DDX10: variants seen among roughly 807,000 people sequenced by gnomAD.
DDX10 encodes probable ATP-dependent RNA helicase DDX10.
In DDX10, 74 loss-of-function variants were observed where a neutral mutation model predicts 104.3. The observed-to-expected ratio is 0.71, with a 90% CI of 0.59 to 0.86. DDX10 has a LOEUF of 0.86. DDX10 is among the 40% of genes least tolerant of loss of function. DDX10 has a pLI of 0.00. For missense variants in DDX10, 952 were observed against 1,040.0 expected (o/e 0.92, Z 1.16); for synonymous variants, 351 against 353.4 (o/e 0.99, Z 0.08).
chr11:108,812,411 T>C (rs1410362801), intron 13 of DDX10, among the ~76,000 whole-genome samples: 2 of 152,200 alleles, frequency 1.3e-5, no homozygotes, highest in African/African-American at 2.4e-5. Context: ...TTTAATGGTA[T>C]TATATCTCTC....
intron 16 of DDX10, among the ~76,000 whole-genome samples, chr11:108,873,229 G>C (rs191582686): frequency 2.0e-5 from 3 of 152,190 alleles, no homozygotes; most frequent in East Asian, 1.9e-4. Flanking sequence ...TGTTTTTCCA[G>C]GTGGGTAGAC....
chr11:108,690,713 G>GC, intron 7 of DDX10: 1 of 189,102 alleles, frequency 5.3e-6, no homozygotes, highest in Admixed American at 5.8e-5. Context: ...CTTGAGAGAT[G>GC]CCCCCAGGAA....
intron 7 of DDX10, among the ~76,000 whole-genome samples, chr11:108,691,375 T>C (rs965513996): frequency 2.0e-5 from 3 of 152,214 alleles, no homozygotes; most frequent in African/African-American, 7.2e-5. Context: ...ATAGTATCCA[T>C]TTATGGGTAC....
At chr11:108,921,325 C>T (rs1351671950) in intron 17 of DDX10, 1 of 152,190 alleles carries the variant, frequency 6.6e-6, no homozygotes, top group African/African-American at 2.4e-5. Flanking sequence ...ATTGCTGTTG[C>T]TGCTAGCATT....
chr11:108,691,153 A>G (rs1385083051), intron 7 of DDX10, among the ~76,000 whole-genome samples: 6 of 152,334 alleles, frequency 3.9e-5, no homozygotes, highest in Non-Finnish European at 5.9e-5. Flanking sequence ...ACTGTCAGCA[A>G]AATTGAAGAG....
chr11:108,845,391 A>T (rs1862701763), intron 15 of DDX10, among the ~76,000 whole-genome samples: 1 of 152,160 alleles, frequency 6.6e-6, no homozygotes, highest in African/African-American at 2.4e-5. Context: ...TTCCTAACTG[A>T]GTATACTACT....
intron 6 of DDX10, among the ~76,000 whole-genome samples, chr11:108,685,457 G>A (rs953739522): frequency 6.6e-6 from 1 of 151,804 alleles, no homozygotes; most frequent in African/African-American, 2.4e-5. Flanking sequence ...GATGAACCCG[G>A]TACCTCAGAT....
At chr11:108,781,629 A>G (rs915165343) in intron 13 of DDX10, among the ~76,000 whole-genome samples, 2 of 152,148 alleles carry the variant, frequency 1.3e-5, no homozygotes, top group Non-Finnish European at 2.9e-5. Context: ...CGTTCTACCA[A>G]TTAATAGTTG....
At chr11:108,676,297 C>T (rs2094225040) in intron 3 of DDX10, among the ~76,000 whole-genome samples, 1 of 152,028 alleles carries the variant, frequency 6.6e-6, no homozygotes, top group African/African-American at 2.4e-5. Flanking sequence ...AGAAAAATCT[C>T]ATTTTAGTTT....
chr11:108,719,913 G>C, intron 12 of DDX10, 28 bp downstream of exon 12: 1 of 1,268,730 alleles, frequency 7.9e-7, no homozygotes, highest in Non-Finnish European at 1.2e-6. Context: ...AGTTGTAATA[G>C]TGAATCCTCA....
chr11:108,781,397 G>T (rs1392152455), intron 13 of DDX10, among the ~76,000 whole-genome samples: 1 of 152,140 alleles, frequency 6.6e-6, no homozygotes, highest in Non-Finnish European at 1.5e-5. Context: ...TTGGTATAAT[G>T]ATCTATTTTC....
intron 15 of DDX10, among the ~76,000 whole-genome samples, chr11:108,848,210 A>G (rs775172469): frequency 1.3e-5 from 2 of 152,208 alleles, no homozygotes; most frequent in African/African-American, 2.4e-5. Context: ...AATACCACTT[A>G]TTCCTGAATG....
At chr11:108,783,484 C>T (rs192316314) in intron 13 of DDX10, among the ~76,000 whole-genome samples, 61 of 152,102 alleles carry the variant, frequency 4.0e-4, no homozygotes, top group Middle Eastern at 3.4e-3. Context: ...TTGTAGCTGG[C>T]AGGACAGGAA....
chr11:108,836,550 A>C (rs891687096), intron 13 of DDX10, among the ~76,000 whole-genome samples: 1 of 152,162 alleles, frequency 6.6e-6, no homozygotes, highest in Non-Finnish European at 1.5e-5. Flanking sequence ...GCACTGGCAC[A>C]ATCTCAGGTC....
intron 13 of DDX10, among the ~76,000 whole-genome samples, chr11:108,805,344 C>G (rs1270027305): frequency 6.6e-6 from 1 of 152,202 alleles, no homozygotes; most frequent in Non-Finnish European, 1.5e-5. Flanking sequence ...TTCTTCACCA[C>G]TATTCATTAA....
chr11:108,814,503 A>C (rs1309988100), intron 13 of DDX10, among the ~76,000 whole-genome samples: 2 of 152,214 alleles, frequency 1.3e-5, no homozygotes, highest in African/African-American at 4.8e-5. Flanking sequence ...CCATCACACC[A>C]CTATCTGTAC....
At chr11:108,937,351 A>C (rs1468862620) in intron 17 of DDX10, among the ~76,000 whole-genome samples, 2 of 152,192 alleles carry the variant, frequency 1.3e-5, no homozygotes, top group Non-Finnish European at 2.9e-5. Flanking sequence ...AAAATGGTGA[A>C]ACCAGGAAAT....
chr11:108,742,637 A>G (rs1183140026), intron 13 of DDX10, among the ~76,000 whole-genome samples: 1 of 152,172 alleles, frequency 6.6e-6, no homozygotes, highest in Non-Finnish European at 1.5e-5. Flanking sequence ...AAAGAACTAG[A>G]TTGATAGACT....
intron 16 of DDX10, among the ~76,000 whole-genome samples, chr11:108,854,403 A>T (rs1381121911): frequency 6.6e-6 from 1 of 152,180 alleles, no homozygotes; most frequent in East Asian, 1.9e-4. Flanking sequence ...CTTCTCGTTG[A>T]TCCTCTTATG....
Sources: gnomAD v4.1 joint callset for allele counts (sites outside exome capture counted in the v4.1 genomes callset) on GRCh38, gnomAD v4.1.1 for gene constraint, MANE v1.5 for transcripts, NCBI Gene and HGNC (gene_info 2026-07-23, HGNC 2026-07-21) for gene names.